FAF2: variants seen among roughly 807,000 people sequenced by gnomAD.
FAF2 encodes the protein FAS-associated factor 2.
FAF2 carries 9 observed loss-of-function variants against 62.3 expected under a neutral mutation model. That is an observed-to-expected ratio of 0.14 (90% CI 0.09 to 0.25). The LOEUF is 0.25. FAF2 is among the 10% of genes least tolerant of loss of function. FAF2 has a pLI of 1.00. For synonymous variants in FAF2, 202 were observed against 198.0 expected, an observed-to-expected ratio of 1.02 and a Z score of -0.17; for missense variants, 368 against 556.2, an observed-to-expected ratio of 0.66 and a Z score of 3.40.
intron 9 of FAF2, among the ~76,000 whole-genome samples, chr5:176,499,664 G>A (rs991169267): frequency 4.6e-5 from 7 of 150,884 alleles, no homozygotes; most frequent in East Asian, 1.9e-4. Context: ...CCAGGCTGGC[G>A]TGCAGTGGCT....
chr5:176,495,656 C>A (rs1020533178), intron 7 of FAF2, among the ~76,000 whole-genome samples: 3 of 151,842 alleles, frequency 2.0e-5, no homozygotes, highest in Non-Finnish European at 4.4e-5. Flanking sequence ...GAATTACAGG[C>A]GCGTACCACC....
intron 10 of FAF2, among the ~76,000 whole-genome samples, chr5:176,500,759 G>T (rs1472617896): frequency 1.3e-5 from 2 of 151,910 alleles, no homozygotes; most frequent in Non-Finnish European, 2.9e-5. Flanking sequence ...CATTCTTCCA[G>T]GGTTACTAGA....
At chr5:176,481,759 A>G (rs1395771956) in intron 2 of FAF2, among the ~76,000 whole-genome samples, 2 of 152,022 alleles carry the variant, frequency 1.3e-5, no homozygotes, top group Non-Finnish European at 2.9e-5. Context: ...GGGCTCAAGC[A>G]TTCCTCTGAC....
At chr5:176,455,619 G>C (rs1758266198) in intron 1 of FAF2, among the ~76,000 whole-genome samples, 1 of 151,952 alleles carries the variant, frequency 6.6e-6, no homozygotes, top group South Asian at 2.1e-4. Flanking sequence ...TTTGGTGGCG[G>C]GTGCCTGTAA....
At chr5:176,496,374 G>A (rs1755483653) in intron 7 of FAF2, 112 bp from the exon 8 acceptor site, 23 of 819,936 alleles carry the variant, frequency 2.8e-5, no homozygotes, top group Non-Finnish European at 3.5e-5. Flanking sequence ...GATACCTCTC[G>A]TCTTCCCCAA....
chr5:176,496,719 T>C, intron 8 of FAF2, 56 bp downstream of exon 8: 2 of 1,380,096 alleles, frequency 1.4e-6, no homozygotes, highest in South Asian at 1.6e-5. Context: ...TTTGGAGGGC[T>C]GACCTCTGGG....
At chr5:176,449,272 T>A (rs991306852) in intron 1 of FAF2, among the ~76,000 whole-genome samples, 37 of 152,194 alleles carry the variant, frequency 2.4e-4, no homozygotes, top group Non-Finnish European at 4.3e-4. Flanking sequence ...CTGAAAGGAC[T>A]GTCTTAAAAA....
chr5:176,486,894 G>C (rs1193262837), intron 3 of FAF2, among the ~76,000 whole-genome samples: 1 of 152,170 alleles, frequency 6.6e-6, no homozygotes, highest in Admixed American at 6.5e-5. Flanking sequence ...AGACATTTAA[G>C]AGTACTCCAA....
intron 3 of FAF2, 61 bp from the exon 4 acceptor site, chr5:176,488,890 C>A: frequency 7.6e-7 from 1 of 1,323,126 alleles, no homozygotes; most frequent in Non-Finnish European, 1.1e-6. Flanking sequence ...TCTGACCTAG[C>A]CATTTGATAA....
At chr5:176,501,283 A>C (rs1382795599) in intron 10 of FAF2, among the ~76,000 whole-genome samples, 1 of 152,246 alleles carries the variant, frequency 6.6e-6, no homozygotes, top group African/African-American at 2.4e-5. Flanking sequence ...GAGAGTCAGT[A>C]TGTTGCCTTT....
chr5:176,475,994 G>C (rs1254821674), intron 1 of FAF2, among the ~76,000 whole-genome samples: 1 of 152,096 alleles, frequency 6.6e-6, no homozygotes, highest in African/African-American at 2.4e-5. Flanking sequence ...GGTGGCTCAC[G>C]TGTATAATCC....
chr5:176,502,791 TG>T (rs1755617407), intron 10 of FAF2, among the ~76,000 whole-genome samples: 1 of 152,150 alleles, frequency 6.6e-6, no homozygotes, highest in African/African-American at 2.4e-5. Context: ...GGCTCATGCC[TG>T]TAATCCCAGC....
chr5:176,470,112 C>T (rs550975193), intron 1 of FAF2, among the ~76,000 whole-genome samples: 1 of 152,304 alleles, frequency 6.6e-6, no homozygotes, highest in Admixed American at 6.5e-5. Context: ...ACAGTTTCCC[C>T]TATAATAATT....
In FAF2 at chr5:176,507,365, C is replaced by T. The variant is rs1247123251; in HGVS notation, c.*415C>T. 5 of 450,008 alleles carry T rather than the reference C, an allele frequency of 1.1e-5. No individual in the cohort carries two copies. The highest frequency in any genetic ancestry group is 3.2e-5 in the South Asian group (2 of 63,170). 27.9% of individuals were successfully genotyped at this position (450,008 alleles called of 1,614,324 possible). A position where few individuals can be genotyped will look rare whatever the true frequency, so the allele number is the denominator to read the frequency against. On this transcript the variant is annotated 3_prime_UTR_variant, in exon 11 of 11. Transcript: ENST00000261942. ...TCCATCAACCAGCTACTTGCAGCAT[C>T]TCCTGAGGACTTGCTTCTCCTGCCT...
chr5:176,462,705 A>G (rs912897313), intron 1 of FAF2, among the ~76,000 whole-genome samples: 3 of 152,254 alleles, frequency 2.0e-5, no homozygotes, highest in Admixed American at 6.5e-5. Flanking sequence ...TTTAAGATTG[A>G]AAAGTGATAA....
In FAF2 at chr5:176,506,384, C is replaced by G. The variant is rs550618749; in HGVS notation, c.1156-384C>G. Among the ~76,000 whole-genome samples, 3 of 152,258 alleles carry G rather than the reference C, an allele frequency of 2.0e-5. No individual in the cohort carries two copies. In the East Asian group the frequency reaches 5.8e-4, roughly 29 times the overall value. Reference sequence around the variant, plus strand: ...ATTAGTCCGTGATCACCTCAGAATACTTGAGGCCATGTGTCTTACAGTTAG... The same window carrying G: ...ATTAGTCCGTGATCACCTCAGAATAGTTGAGGCCATGTGTCTTACAGTTAG... On this transcript the variant is annotated intron_variant, in intron 10 of 10. Transcript: ENST00000261942.
At chr5:176,481,247 C>T (rs1343137943) in intron 2 of FAF2, among the ~76,000 whole-genome samples, 1 of 152,040 alleles carries the variant, frequency 6.6e-6, no homozygotes, top group African/African-American at 2.4e-5. Flanking sequence ...GAGGTTTCAC[C>T]ATATTGGCCA....
intron 1 of FAF2, among the ~76,000 whole-genome samples, chr5:176,474,451 C>G (rs1439023703): frequency 2.6e-5 from 4 of 152,180 alleles, no homozygotes; most frequent in African/African-American, 9.7e-5. Flanking sequence ...TTAGCACCCC[C>G]CTTCCCCCTT....
chr5:176,470,781 C>T (rs1758554948), intron 1 of FAF2, among the ~76,000 whole-genome samples: 2 of 152,188 alleles, frequency 1.3e-5, no homozygotes, highest in Non-Finnish European at 2.9e-5. Context: ...GGAAAACGAT[C>T]CTGCTGACTA....
Sources: allele counts gnomAD v4.1 joint callset (sites outside exome capture counted in the v4.1 genomes callset), GRCh38; gene constraint gnomAD v4.1.1; transcripts MANE v1.5; gene names NCBI Gene and HGNC (gene_info 2026-07-23, HGNC 2026-07-21).